HSD17B2: variants seen among roughly 807,000 people sequenced by gnomAD.
The protein encoded by HSD17B2 is 17-beta-hydroxysteroid dehydrogenase type 2.
Under a neutral mutation model 26.9 loss-of-function variants are expected in HSD17B2, and 32 were observed. The observed-to-expected ratio is 1.19, with a 90% CI of 0.90 to 1.60. HSD17B2 has a LOEUF of 1.60. HSD17B2 is among the 40% of genes most tolerant of loss of function. The pLI, the probability that HSD17B2 is intolerant of heterozygous loss-of-function variation, is 0.00. For synonymous variants in HSD17B2, 246 were observed against 186.7 expected (o/e 1.32, Z -2.59); for missense variants, 613 against 468.6 (o/e 1.31, Z -2.85).
intron 3 of HSD17B2, among the ~76,000 whole-genome samples, chr16:82,072,983 C>A (rs1047825050): frequency 5.9e-5 from 9 of 152,078 alleles, no homozygotes; most frequent in Non-Finnish European, 2.9e-5. Context: ...ATCTGTTGAG[C>A]CTGGGAGGTT....
intron 1 of HSD17B2, among the ~76,000 whole-genome samples, chr16:82,054,556 G>T (rs1372858435): frequency 6.6e-6 from 1 of 152,118 alleles, no homozygotes; most frequent in Non-Finnish European, 1.5e-5. Flanking sequence ...TGTTGCTCAG[G>T]CTGGCCTCAA....
chr16:82,049,861 G>A (rs1337967242), intron 1 of HSD17B2, among the ~76,000 whole-genome samples: 1 of 152,214 alleles, frequency 6.6e-6, no homozygotes. Context: ...GCCCCATAGT[G>A]GGGCTGCATG....
chr16:82,040,081 A>C (rs58960032), intron 1 of HSD17B2, among the ~76,000 whole-genome samples: 5,358 of 152,358 alleles, frequency 0.035, 329 homozygotes, highest in African/African-American at 0.12. Context: ...TTGCTGCATT[A>C]GATAATTTTT....
chr16:82,091,429 T>C (rs561511977), intron 4 of HSD17B2: 23 of 258,106 alleles, frequency 8.9e-5, no homozygotes, highest in Non-Finnish European at 1.5e-4. Context: ...AGAGGTCTGA[T>C]CCTTGATGAT....
At chr16:82,050,967 T>C (rs1317821450) in intron 1 of HSD17B2, among the ~76,000 whole-genome samples, 2 of 152,208 alleles carry the variant, frequency 1.3e-5, no homozygotes, top group African/African-American at 4.8e-5. Flanking sequence ...AAAAAATGTC[T>C]CTAGACAATG....
chr16:82,038,877 G>T (rs1913691000), intron 1 of HSD17B2, among the ~76,000 whole-genome samples: 1 of 152,100 alleles, frequency 6.6e-6, no homozygotes, highest in African/African-American at 2.4e-5. Flanking sequence ...ACTCATCAGA[G>T]CTGTGCCAAT....
At chr16:82,053,422 A>C (rs568402841) in intron 1 of HSD17B2, among the ~76,000 whole-genome samples, 3 of 152,018 alleles carry the variant, frequency 2.0e-5, no homozygotes, top group Non-Finnish European at 4.4e-5. Flanking sequence ...CCCGAGTTTT[A>C]ATTTTTATTT....
In HSD17B2 at chr16:82,078,511, G is replaced by A. The variant is rs200948559; in HGVS notation, c.664+7384G>A. Reference sequence around the variant, plus strand: ...CACCATATTATCCAGCAATTCCACCGCTAGATATGTACCCAAAAGAAGGGA... The same window carrying A: ...CACCATATTATCCAGCAATTCCACCACTAGATATGTACCCAAAAGAAGGGA... On this transcript the variant is annotated intron_variant, in intron 3 of 4. Transcript: ENST00000199936. Among the ~76,000 whole-genome samples the A allele has an allele frequency of 4.5e-4, 69 of 152,230 alleles. No homozygotes were observed. The East Asian group carries it at 0.01, about 23-fold the overall frequency.
chr16:82,078,018 G>A (rs769018911), intron 3 of HSD17B2, among the ~76,000 whole-genome samples: 9 of 152,074 alleles, frequency 5.9e-5, no homozygotes, highest in Admixed American at 1.3e-4. Flanking sequence ...CACCCAACAA[G>A]CACAGGCAAA....
intron 2 of HSD17B2, among the ~76,000 whole-genome samples, chr16:82,069,192 G>T (rs1427843047): frequency 1.3e-5 from 2 of 152,152 alleles, no homozygotes; most frequent in African/African-American, 4.8e-5. Context: ...GCTTTAGTTT[G>T]CTGAGGATAA....
chr16:82,085,285 C>T, intron 3 of HSD17B2, among the ~76,000 whole-genome samples: 1 of 152,188 alleles, frequency 6.6e-6, no homozygotes, highest in Non-Finnish European at 1.5e-5. Flanking sequence ...TCTTCCCTGA[C>T]ACTCTTTAGG....
intron 3 of HSD17B2, among the ~76,000 whole-genome samples, chr16:82,080,062 T>G (rs1312555460): frequency 2.0e-5 from 3 of 152,198 alleles, no homozygotes; most frequent in Non-Finnish European, 2.9e-5. Context: ...AGAATTTTGG[T>G]GGCATAGATT....
At chr16:82,066,427 C>A (rs1437117898) in intron 1 of HSD17B2, among the ~76,000 whole-genome samples, 1 of 152,156 alleles carries the variant, frequency 6.6e-6, no homozygotes, top group Non-Finnish European at 1.5e-5. Context: ...TTCGCACATG[C>A]CAACCATGCT....
chr16:82,057,858 C>T (rs1050189200), intron 1 of HSD17B2, among the ~76,000 whole-genome samples: 1 of 152,154 alleles, frequency 6.6e-6, no homozygotes, highest in Admixed American at 6.5e-5. Context: ...GGTCTGAGAA[C>T]CTGTCATAGC....
Position 82,036,499 on chromosome 16 carries a change from TA to T in HSD17B2, c.265+820del, listed in dbSNP as rs113969751. ...TCCTAACCCAGAAAGCCCTACCAAA[TA>T]AAAAAAAAATCAGCTGTGGAATCAT... On this transcript the variant is annotated intron_variant, in intron 1 of 4. Transcript: ENST00000199936. 9.3e-3 allele frequency among the ~76,000 whole-genome samples: 1,384 copies of T among 148,738 alleles called. 28 individuals are homozygous for T. The highest frequency in any genetic ancestry group is 0.032 in the African/African-American group (1,296 of 40,604).
chr16:82,077,949 T>A (rs1904311396), intron 3 of HSD17B2, among the ~76,000 whole-genome samples: 1 of 152,140 alleles, frequency 6.6e-6, no homozygotes, highest in African/African-American at 2.4e-5. Context: ...TATTGTACTA[T>A]AAGAAAACAT....
At chr16:82,043,522 A>G (rs1438603045) in intron 1 of HSD17B2, among the ~76,000 whole-genome samples, 1 of 141,292 alleles carries the variant, frequency 7.1e-6, no homozygotes, top group Admixed American at 6.7e-5. Flanking sequence ...GCCTCTACTA[A>G]AAATAGAAAA....
rs757812646 is a variant in HSD17B2, at chr16:82,090,920, G to A, written c.683G>A (p.Arg228Lys). ...CCCATAGGAGGGGCCCCAATGGAAA[G>A]GCTGGCATCTTATGGCTCATCAAAG... ...SSMGGGAPME[R>K]LASYGSSKAA... The change falls in exon 4 of 5, where the codon AGG becomes AAG. Residue 228 changes from arginine to lysine, a missense_variant. Arg to Lys is a conservative substitution (Grantham distance 26). Transcript: ENST00000199936. 1.2e-6 allele frequency: 2 copies of A among 1,613,202 alleles called. No individual in the cohort carries two copies. Among genetic ancestry groups the A allele is most frequent in the Non-Finnish European group, 1.7e-6 (2 of 1,179,542 alleles).
At chr16:82,079,992 G>T (rs886830415) in intron 3 of HSD17B2, among the ~76,000 whole-genome samples, 6 of 151,996 alleles carry the variant, frequency 3.9e-5, no homozygotes, top group Admixed American at 3.9e-4. Context: ...AGAAGCACGT[G>T]GTTGCCCTGA....
Sources: gnomAD v4.1 joint callset for allele counts (sites outside exome capture counted in the v4.1 genomes callset) on GRCh38, gnomAD v4.1.1 for gene constraint, MANE v1.5 for transcripts, NCBI Gene and HGNC (gene_info 2026-07-23, HGNC 2026-07-21) for gene names.